TRPC1: variants seen among roughly 807,000 people sequenced by gnomAD.
TRPC1 encodes the protein short transient receptor potential channel 1.
In TRPC1, 42 loss-of-function variants were observed where a neutral mutation model predicts 88.2. The observed-to-expected ratio is 0.48, with a 90% CI of 0.37 to 0.62. The LOEUF is 0.62. TRPC1 is among the 20% of genes least tolerant of loss of function. The pLI is 0.00. For missense variants in TRPC1, 699 were observed against 957.3 expected (o/e 0.73, Z 3.56); for synonymous variants, 288 against 331.8 (o/e 0.87, Z 1.43).
chr3:142,788,323 AAGAG>A (rs71881268), intron 7 of TRPC1, among the ~76,000 whole-genome samples: 4,507 of 152,158 alleles, frequency 0.03, 236 homozygotes, highest in African/African-American at 0.1. Flanking sequence ...GTGATAGAGA[AAGAG>A]AGAAGGGAAC....
intron 12 of TRPC1, among the ~76,000 whole-genome samples, chr3:142,805,164 A>G (rs927399225): frequency 7.5e-4 from 113 of 150,766 alleles, no homozygotes; most frequent in Non-Finnish European, 1.0e-3. Flanking sequence ...ACACACACAC[A>G]CACACATATA....
rs1936640145 is a variant in TRPC1 at position 142,802,207 on chromosome 3, T to C, written c.1620T>C (p.Phe540=). ...MGQMLQDFGK[F]LGMFLLVLFS... Reference sequence around the variant, plus strand: ...AGATGTTACAAGATTTTGGAAAATTTCTTGGGATGTTTCTTCTTGTTTTGT... The same window carrying C: ...AGATGTTACAAGATTTTGGAAAATTCCTTGGGATGTTTCTTCTTGTTTTGT... The change falls in exon 10 of 13, where the codon TTT becomes TTC. Residue 540 remains phenylalanine, a synonymous_variant. Transcript: ENST00000476941. The C allele has an allele frequency of 6.3e-7, 1 of 1,592,536 alleles. No individual in the cohort carries two copies. Among genetic ancestry groups the C allele is most frequent in the Admixed American group, 1.8e-5 (1 of 55,912 alleles).
intron 4 of TRPC1, among the ~76,000 whole-genome samples, chr3:142,754,452 C>G (rs1934889044): frequency 1.3e-5 from 2 of 152,202 alleles, no homozygotes; most frequent in South Asian, 4.2e-4. Flanking sequence ...GTAATGGATG[C>G]AGCACACCAA....
chr3:142,778,269 A>G (rs1027152321), intron 5 of TRPC1, among the ~76,000 whole-genome samples: 5 of 152,228 alleles, frequency 3.3e-5, no homozygotes, highest in Admixed American at 3.3e-4. Flanking sequence ...TAATATATGT[A>G]ATACATGTAA....
chr3:142,765,292 C>T (rs1039416272), intron 4 of TRPC1, among the ~76,000 whole-genome samples: 2 of 152,118 alleles, frequency 1.3e-5, no homozygotes, highest in Non-Finnish European at 2.9e-5. Flanking sequence ...AAACTACCAA[C>T]ATCATTTTTC....
intron 4 of TRPC1, among the ~76,000 whole-genome samples, chr3:142,769,221 A>G (rs372602562): frequency 5.9e-5 from 9 of 152,072 alleles, no homozygotes; most frequent in African/African-American, 2.2e-4. Context: ...ATCTATAGGT[A>G]TGTAAATGAT....
At chr3:142,747,580 G>A (rs1220983968) in intron 3 of TRPC1, among the ~76,000 whole-genome samples, 11 of 152,096 alleles carry the variant, frequency 7.2e-5, no homozygotes, top group African/African-American at 2.4e-4. Flanking sequence ...CAGTTTCTTC[G>A]TGGGGATTAT....
chr3:142,728,485 A>G (rs1201244996), intron 1 of TRPC1, among the ~76,000 whole-genome samples: 2 of 151,666 alleles, frequency 1.3e-5, no homozygotes, highest in African/African-American at 4.8e-5. Flanking sequence ...CGCCCGGCTA[A>G]TTTTTTTGTA....
At chr3:142,765,887 C>T (rs182667683) in intron 4 of TRPC1, among the ~76,000 whole-genome samples, 176 of 151,988 alleles carry the variant, frequency 1.2e-3, no homozygotes, top group Non-Finnish European at 2.1e-3. Context: ...AAAAAGTGGG[C>T]AAAGGACATG....
chr3:142,786,159 T>G (rs982907117), intron 7 of TRPC1, among the ~76,000 whole-genome samples: 2 of 152,316 alleles, frequency 1.3e-5, no homozygotes, highest in African/African-American at 4.8e-5. Context: ...ACCTTGTTTT[T>G]AACCTCAGCA....
intron 2 of TRPC1, among the ~76,000 whole-genome samples, chr3:142,742,871 A>T (rs1934405163): frequency 6.6e-6 from 1 of 152,162 alleles, no homozygotes; most frequent in Non-Finnish European, 1.5e-5. Flanking sequence ...GAGCAGAATG[A>T]TAAAGTCACT....
chr3:142,804,255 A>AT (rs1223158166), intron 11 of TRPC1, 77 bp downstream of exon 11: 1 of 1,257,072 alleles, frequency 8.0e-7, no homozygotes, highest in East Asian at 2.5e-5. Context: ...ATAGCCAAAG[A>AT]TTATAAGATT....
intron 9 of TRPC1, among the ~76,000 whole-genome samples, chr3:142,800,851 G>A (rs1460828299): frequency 6.6e-6 from 1 of 151,640 alleles, no homozygotes; most frequent in African/African-American, 2.4e-5. Flanking sequence ...TTGGGAGGCG[G>A]AGGTTTGTAG....
At chr3:142,733,439 G>A (rs1934008947) in intron 1 of TRPC1, among the ~76,000 whole-genome samples, 1 of 152,158 alleles carries the variant, frequency 6.6e-6, no homozygotes, top group Non-Finnish European at 1.5e-5. Flanking sequence ...TTGAACCCAG[G>A]AGGCAGAGGT....
chr3:142,742,300 AG>A (rs1934382273), intron 2 of TRPC1, among the ~76,000 whole-genome samples: 1 of 152,216 alleles, frequency 6.6e-6, no homozygotes, highest in Admixed American at 6.5e-5. Flanking sequence ...TAATAATGCT[AG>A]GACTTTAAAG....
At position 142,736,326 on chromosome 3, in the gene TRPC1, T is replaced by A. The variant is rs1020909301; in HGVS notation, c.173-53T>A. The A allele has an allele frequency of 2.9e-6, 4 of 1,388,302 alleles. No homozygotes were observed. In the African/African-American group the frequency reaches 4.4e-5, roughly 15 times the overall value. The allele number at this position is 1,388,302 out of a possible 1,614,324, so 86.0% of individuals were successfully genotyped here. ...CAAGCTAAGTTTTTCTTTACAGTCA[T>A]CCTTACTTGATATGTCACGGATATT... is the stretch of plus-strand genomic sequence containing the variant. On this transcript the variant is annotated intron_variant, in intron 1 of 12. Transcript: ENST00000476941.
chr3:142,727,994 A>T (rs894728601), intron 1 of TRPC1, among the ~76,000 whole-genome samples: 4 of 151,090 alleles, frequency 2.6e-5, no homozygotes, highest in African/African-American at 9.9e-5. Context: ...AAAAAAAAAA[A>T]CTTGTTGAGT....
At chr3:142,761,321 AAAT>A (rs1935177056) in intron 4 of TRPC1, among the ~76,000 whole-genome samples, 1 of 152,186 alleles carries the variant, frequency 6.6e-6, no homozygotes, top group Admixed American at 6.5e-5. Context: ...GCATCCATTG[AAAT>A]AATCATATGG....
chr3:142,798,687 A>G (rs773258983), intron 9 of TRPC1, among the ~76,000 whole-genome samples: 4 of 152,170 alleles, frequency 2.6e-5, no homozygotes, highest in Non-Finnish European at 4.4e-5. Context: ...TGGACACTGA[A>G]GGTCTCTGTG....
Sources: gnomAD v4.1 joint callset for allele counts (sites outside exome capture counted in the v4.1 genomes callset) on GRCh38, gnomAD v4.1.1 for gene constraint, MANE v1.5 for transcripts, NCBI Gene and HGNC (gene_info 2026-07-23, HGNC 2026-07-21) for gene names.